The following HFM1 variants were observed in gnomAD, a reference collection of about 807,000 sequenced individuals.
HFM1 encodes probable ATP-dependent DNA helicase HFM1.
A neutral mutation model predicts 192.1 loss-of-function variants in HFM1; 169 were observed. The ratio of observed to expected loss-of-function variants is 0.88; its 90% CI spans 0.78 to 1.00. The LOEUF is 1.00. Among genes scored for constraint, HFM1 ranks in the 50% least tolerant of loss-of-function variants. HFM1 has a pLI of 0.00. For synonymous variants in HFM1, 525 were observed against 537.8 expected (o/e 0.98, Z 0.33); for missense variants, 1,661 against 1,668.0 (o/e 1.00, Z 0.07).
chr1:91,342,628 T>C (rs1361326874), intron 20 of HFM1, among the ~76,000 whole-genome samples: 1 of 152,214 alleles, frequency 6.6e-6, no homozygotes, highest in African/African-American at 2.4e-5. Context: ...CATTTCCTTA[T>C]AAAGGCCCCC....
At chr1:91,289,590 G>A (rs920006940) in intron 30 of HFM1, among the ~76,000 whole-genome samples, 14 of 152,150 alleles carry the variant, frequency 9.2e-5, no homozygotes, top group African/African-American at 1.7e-4. Context: ...CTGAGTGAGC[G>A]AGACTCCGTC....
At chr1:91,406,191 C>T (rs893220904), upstream of HFM1, among the ~76,000 whole-genome samples, 49 of 152,188 alleles carry the variant, frequency 3.2e-4, no homozygotes, top group African/African-American at 1.1e-3. Flanking sequence ...CGCCAAATAC[C>T]GGATCTGCCT....
chr1:91,286,124 C>G (rs1667948132), intron 30 of HFM1, among the ~76,000 whole-genome samples: 1 of 152,176 alleles, frequency 6.6e-6, no homozygotes, highest in Non-Finnish European at 1.5e-5. Context: ...GAGTTCAGTA[C>G]TACCCACAAC....
chr1:91,352,693 T>A (rs780520260), intron 15 of HFM1, 42 bp from the exon 16 acceptor site: 52 of 1,467,180 alleles, frequency 3.5e-5, no homozygotes, highest in Non-Finnish European at 4.6e-5. Flanking sequence ...CCATTTAACT[T>A]TGTTGCTTCA....
At chr1:91,403,965 ACTC>A (rs758551907) in intron 1 of HFM1, among the ~76,000 whole-genome samples, 5 of 152,242 alleles carry the variant, frequency 3.3e-5, no homozygotes, top group Non-Finnish European at 7.4e-5. Flanking sequence ...TCAGAAACAT[ACTC>A]CTTATTTTAA....
At position 91,353,204 on chromosome 1, in the gene HFM1, C is replaced by T. The variant is rs112891514; in HGVS notation, c.1729+52G>A. ...CTATTAATATTTCATCAATAATTGG[C>T]ACCTTTCATCTATATGTGAAAATGC... On this transcript the variant is annotated intron_variant, in intron 14 of 38. Transcript: ENST00000370425. The T allele has an allele frequency of 6.1e-4, 938 of 1,548,646 alleles. 6 individuals are homozygous for T. In the African/African-American group the frequency reaches 9.0e-3, roughly 15 times the overall value.
rs1321370124 is a variant in HFM1 at position 91,394,250 on chromosome 1, C to T, written c.337G>A (p.Asp113Asn). The T allele has an allele frequency of 2.5e-5, 40 of 1,598,462 alleles. No individual in the cohort carries two copies. The highest frequency in any genetic ancestry group is 3.3e-5 in the Non-Finnish European group (38 of 1,165,884). The stretch of plus-strand genomic sequence containing the variant: ...AGCTTGCCAGCAATATGTGATAAGT[C>T]ATTATTACCTACCCCTTCTAAATTT... Reference protein sequence around the residue: ...DLNLEGVGNNDLSHIAGKLTY... With the variant: ...DLNLEGVGNNNLSHIAGKLTY... The change falls in exon 4 of 39, where the codon GAC becomes AAC. Residue 113 changes from aspartate (D) to asparagine (N), a missense_variant. Asp to Asn is a conservative substitution (Grantham distance 23). Transcript: ENST00000370425.
chr1:91,384,252 TA>T (rs1209055791), intron 6 of HFM1, among the ~76,000 whole-genome samples: 1 of 152,134 alleles, frequency 6.6e-6, no homozygotes, highest in Non-Finnish European at 1.5e-5. Flanking sequence ...GGCAGGTAAA[TA>T]AGTCATGATG....
At chr1:91,381,115 C>T (rs1340563946) in intron 6 of HFM1, 133 bp from the exon 7 acceptor site, 1 of 569,240 alleles carries the variant, frequency 1.8e-6, no homozygotes, top group Non-Finnish European at 3.2e-6. Flanking sequence ...TATCTGGCAT[C>T]TTAGGAAAAG....
intron 14 of HFM1, 24 bp from the exon 15 acceptor site, chr1:91,353,176 T>C (rs1194861381): frequency 6.4e-7 from 1 of 1,563,720 alleles, no homozygotes; most frequent in Admixed American, 1.7e-5. Flanking sequence ...ATATCAGCTG[T>C]TACTATTAAT....
chr1:91,341,431 A>C (rs562646061), intron 20 of HFM1, among the ~76,000 whole-genome samples: 40 of 152,318 alleles, frequency 2.6e-4, no homozygotes, highest in African/African-American at 9.1e-4. Flanking sequence ...ATACAGGTAA[A>C]ACAATGTTCA....
intron 13 of HFM1, among the ~76,000 whole-genome samples, chr1:91,359,463 C>T (rs769835910): frequency 6.7e-6 from 1 of 150,070 alleles, no homozygotes; most frequent in Non-Finnish European, 1.5e-5. Context: ...AATGCAATCG[C>T]AAGTATCAAT....
chr1:91,289,061 C>T (rs964685179), intron 30 of HFM1, among the ~76,000 whole-genome samples: 5 of 151,532 alleles, frequency 3.3e-5, no homozygotes, highest in Admixed American at 2.0e-4. Context: ...CCCCACCTCC[C>T]GGATGGGGCG....
At chr1:91,365,110 G>T (rs1439459236) in intron 13 of HFM1, among the ~76,000 whole-genome samples, 3 of 151,974 alleles carry the variant, frequency 2.0e-5, no homozygotes, top group Admixed American at 2.0e-4. Flanking sequence ...GAAAAATATT[G>T]TATGTTCTCA....
intron 28 of HFM1, among the ~76,000 whole-genome samples, chr1:91,314,982 A>G (rs1650992153): frequency 6.6e-6 from 1 of 152,188 alleles, no homozygotes; most frequent in African/African-American, 2.4e-5. Context: ...CACAATTAGG[A>G]GATTCCCATT....
rs749881839 is a variant in HFM1 at position 91,375,527 on chromosome 1, C to A, written c.1596G>T (p.Val532=). The part of the protein sequence containing the change: ...QMYSDQKPTL[V]FCATRKGVQQ... ...AAAATAAGCTATCAACAATCCATAC[C>A]ACAAGTGTGGGTTTCTGATCAGAGT... Residue 532 remains valine (V), a splice_region_variant and synonymous_variant, in exon 12 of 39, where the codon GTG becomes GTT. Transcript: ENST00000370425. The A allele has an allele frequency of 2.5e-6, 4 of 1,611,984 alleles. No individual in the cohort carries two copies. The South Asian group carries it at 4.4e-5, about 18-fold the overall frequency.
rs569685215 is a variant in HFM1 at position 91,302,548 on chromosome 1, G to A, written c.3391+10801C>T. Among the ~76,000 whole-genome samples the A allele has an allele frequency of 2.6e-5, 4 of 152,162 alleles. No homozygotes were observed. In the East Asian group the frequency reaches 7.7e-4, roughly 29 times the overall value. ...GGAACCAACCCAAATGTCCAACAAT[G>A]ATAGACTGGATTAAGACAATGTGGC... On this transcript the variant is annotated intron_variant, in intron 30 of 38. Coordinates refer to ENST00000370425, the MANE Select transcript of HFM1 (RefSeq NM_001017975.6).
intron 34 of HFM1, among the ~76,000 whole-genome samples, chr1:91,268,534 T>C (rs1281119327): frequency 1.3e-5 from 2 of 151,946 alleles, no homozygotes; most frequent in Non-Finnish European, 2.9e-5. Flanking sequence ...CCTCAAAAGA[T>C]TGTTATGAGG....
At chr1:91,312,999 C>T (rs948635076) in intron 30 of HFM1, among the ~76,000 whole-genome samples, 30 of 151,970 alleles carry the variant, frequency 2.0e-4, no homozygotes, top group African/African-American at 7.3e-4. Context: ...CAAGATGTGC[C>T]CTTCACCTCC....
Sources: gnomAD v4.1 joint callset for allele counts (sites outside exome capture counted in the v4.1 genomes callset) on GRCh38, gnomAD v4.1.1 for gene constraint, MANE v1.5 for transcripts, NCBI Gene and HGNC (gene_info 2026-07-23, HGNC 2026-07-21) for gene names.